The following TAFA4 variants were observed in gnomAD, a reference collection of about 807,000 sequenced individuals.
TAFA4 encodes the protein chemokine-like protein TAFA-4.
A neutral mutation model predicts 21.1 loss-of-function variants in TAFA4; 20 were observed. The observed-to-expected ratio is 0.95, with a 90% confidence interval of 0.67 to 1.38. TAFA4 has a LOEUF of 1.38. Among genes scored for constraint, TAFA4 ranks in the 40% most tolerant of loss-of-function variants. TAFA4 has a pLI of 0.00. For missense variants in TAFA4, 211 were observed against 180.9 expected (o/e 1.17, Z -0.95); for synonymous variants, 71 against 67.4 (o/e 1.05, Z -0.26).
chr3:68,737,257 T>C (rs1702259795), intron 5 of TAFA4, among the ~76,000 whole-genome samples: 1 of 152,004 alleles, frequency 6.6e-6, no homozygotes, highest in African/African-American at 2.4e-5. Context: ...TAGGAAAAAA[T>C]AGCTGAAATG....
intron 3 of TAFA4, among the ~76,000 whole-genome samples, chr3:68,850,461 A>T: frequency 6.6e-6 from 1 of 152,212 alleles, no homozygotes; most frequent in East Asian, 1.9e-4. Flanking sequence ...ATCTTAGAGG[A>T]ATCACAATAC....
intron 3 of TAFA4, among the ~76,000 whole-genome samples, chr3:68,871,708 A>G (rs1456851685): frequency 6.6e-6 from 1 of 152,186 alleles, no homozygotes; most frequent in African/African-American, 2.4e-5. Flanking sequence ...AACAGCAAAA[A>G]ATAAAAACCA....
intron 3 of TAFA4, among the ~76,000 whole-genome samples, chr3:68,832,146 C>T (rs955291105): frequency 7.9e-5 from 12 of 151,742 alleles, no homozygotes; most frequent in Admixed American, 5.2e-4. Context: ...GCTTGGAGAG[C>T]TTGTTATTAC....
Position 68,880,725 on chromosome 3 carries a change from C to T in TAFA4, c.130+5G>A. 6.2e-7 allele frequency: 1 copy of T among 1,613,544 alleles called. No homozygotes were observed. The highest frequency in any genetic ancestry group is 8.5e-7 in the Non-Finnish European group (1 of 1,179,534). ...AGCAGTGCATAATGAGCTTAAAGGG[C>T]TTACCTGCATGTCCCCGGAGGTGCT... On this transcript the variant is annotated splice_donor_5th_base_variant and intron_variant, in intron 3 of 5. Transcript: ENST00000295569.
At chr3:68,902,691 T>G (rs2089856222) in intron 1 of TAFA4, among the ~76,000 whole-genome samples, 2 of 152,160 alleles carry the variant, frequency 1.3e-5, no homozygotes, top group African/African-American at 4.8e-5. Context: ...GTATGCACAC[T>G]CTAGTTACAA....
At chr3:68,912,066 T>C (rs574218829) in intron 1 of TAFA4, among the ~76,000 whole-genome samples, 1 of 152,294 alleles carries the variant, frequency 6.6e-6, no homozygotes, top group South Asian at 2.1e-4. Context: ...TGTACTTTCG[T>C]TCTGTTTTTC....
intron 1 of TAFA4, among the ~76,000 whole-genome samples, chr3:68,907,048 A>G (rs894261087): frequency 1.3e-5 from 2 of 151,244 alleles, no homozygotes; most frequent in African/African-American, 4.8e-5. Flanking sequence ...AAAAAAAAAA[A>G]AAAAAAAAGC....
intron 3 of TAFA4, among the ~76,000 whole-genome samples, chr3:68,814,895 A>G (rs773526201): frequency 2.5e-4 from 38 of 152,262 alleles, no homozygotes; most frequent in Non-Finnish European, 3.5e-4. Flanking sequence ...GAGGCATCAC[A>G]CTACCTGACT....
At chr3:68,811,620 G>A (rs562905347) in intron 3 of TAFA4, among the ~76,000 whole-genome samples, 2 of 152,110 alleles carry the variant, frequency 1.3e-5, no homozygotes, top group African/African-American at 4.8e-5. Flanking sequence ...GAGAAGTTTA[G>A]AGAAAAAAGA....
At chr3:68,913,000 T>C (rs2089973953) in intron 1 of TAFA4, among the ~76,000 whole-genome samples, 1 of 152,174 alleles carries the variant, frequency 6.6e-6, no homozygotes, top group African/African-American at 2.4e-5. Context: ...CCAAAATATT[T>C]CCCCAACTGG....
intron 4 of TAFA4, among the ~76,000 whole-genome samples, chr3:68,747,585 A>G (rs1351909348): frequency 6.6e-6 from 1 of 152,122 alleles, no homozygotes; most frequent in Non-Finnish European, 1.5e-5. Flanking sequence ...CTTTTGCTTT[A>G]TAAATTACCC....
At chr3:68,771,637 C>T (rs78362401) in intron 3 of TAFA4, among the ~76,000 whole-genome samples, 13,930 of 152,234 alleles carry the variant, frequency 0.092, 807 homozygotes, top group African/African-American at 0.16. Context: ...AAATTTATTT[C>T]ATTAAAAGAT....
intron 3 of TAFA4, among the ~76,000 whole-genome samples, chr3:68,842,661 G>T (rs112403813): frequency 6.6e-6 from 1 of 152,118 alleles, no homozygotes; most frequent in African/African-American, 2.4e-5. Flanking sequence ...TTCTTCTAGG[G>T]TTTTTACGGT....
intron 1 of TAFA4, among the ~76,000 whole-genome samples, chr3:68,886,289 G>C (rs1209841150): frequency 6.6e-6 from 1 of 152,198 alleles, no homozygotes; most frequent in Non-Finnish European, 1.5e-5. Flanking sequence ...CTGCATGTAA[G>C]AGAGTATGGG....
Position 68,880,983 on chromosome 3 carries a change from C to G in TAFA4, c.15-138G>C, listed in dbSNP as rs911459754. 8 of 636,854 alleles carry G rather than the reference C, an allele frequency of 1.3e-5. No individual in the cohort carries two copies. In the Admixed American group the frequency reaches 2.3e-4, roughly 19 times the overall value. The allele number at this position is 636,854 out of a possible 1,614,324, so 39.5% of individuals were successfully genotyped here. A position where few individuals can be genotyped will look rare whatever the true frequency, so the allele number is the denominator to read the frequency against. On this transcript the variant is annotated intron_variant, in intron 2 of 5. Coordinates refer to ENST00000295569, the MANE Select transcript of TAFA4 (RefSeq NM_182522.5). ...TCCTTTCTCCCAAGAAAACAGAAGA[C>G]CAATCAAACCTTATTTGCACTTAGC...
At chr3:68,762,075 T>C (rs751203791) in intron 3 of TAFA4, among the ~76,000 whole-genome samples, 9 of 151,944 alleles carry the variant, frequency 5.9e-5, no homozygotes, top group Non-Finnish European at 1.3e-4. Context: ...TTGCTCATTA[T>C]TGGCGTATGT....
intron 3 of TAFA4, among the ~76,000 whole-genome samples, chr3:68,871,782 C>G (rs924942297): frequency 6.6e-6 from 1 of 151,868 alleles, no homozygotes. Context: ...TACAAATGAC[C>G]AACAGGTATA....
At chr3:68,751,605 A>C (rs185414900) in intron 4 of TAFA4, among the ~76,000 whole-genome samples, 249 of 152,302 alleles carry the variant, frequency 1.6e-3, no homozygotes, top group Non-Finnish European at 6.5e-4. Flanking sequence ...ATAGGTTGAC[A>C]ATCCTTTATC....
chr3:68,913,717 G>T (rs1406437839), intron 1 of TAFA4: 8 of 151,894 alleles, frequency 5.3e-5, no homozygotes, highest in Non-Finnish European at 1.2e-4. Flanking sequence ...ACCATTTGGA[G>T]AAATTATCTG....
Sources: allele counts gnomAD v4.1 joint callset (sites outside exome capture counted in the v4.1 genomes callset), GRCh38; gene constraint gnomAD v4.1.1; transcripts MANE v1.5; gene names NCBI Gene and HGNC (gene_info 2026-07-23, HGNC 2026-07-21).